ST7L: variants seen among roughly 807,000 people sequenced by gnomAD.
ST7L encodes suppressor of tumorigenicity 7 protein-like.
Under a neutral mutation model 72.5 loss-of-function variants are expected in ST7L, and 57 were observed. The observed-to-expected ratio is 0.79, with a 90% CI of 0.64 to 0.98. ST7L has a LOEUF of 0.98. ST7L is among the 50% of genes least tolerant of loss of function. ST7L has a pLI of 0.00. For missense variants in ST7L, 576 were observed against 672.2 expected (o/e 0.86, Z 1.58); for synonymous variants, 221 against 240.9 (o/e 0.92, Z 0.77).
At chr1:112,618,255 G>T in intron 1 of ST7L, 1 of 1,096,414 alleles carries the variant, frequency 9.1e-7, no homozygotes, top group Admixed American at 4.8e-5. Context: ...ACATGTGTTC[G>T]TATTGTCAGC....
intron 11 of ST7L, among the ~76,000 whole-genome samples, chr1:112,560,754 G>T (rs923945899): frequency 6.6e-6 from 1 of 152,034 alleles, no homozygotes. Flanking sequence ...CTGAGGTCAG[G>T]AATTTGAGAC....
In ST7L at chr1:112,555,953, T is replaced by G. The variant is rs1262303796; in HGVS notation, c.1311A>C (p.Glu437Asp). 1 of 1,612,568 alleles carries G rather than the reference T, an allele frequency of 6.2e-7. No homozygotes were observed. Among genetic ancestry groups the G allele is most frequent in the East Asian group, 2.2e-5 (1 of 44,818 alleles). The change falls in exon 12 of 15, where the codon GAA (glutamate) becomes GAC (aspartate). Residue 437 changes from glutamate (E) to aspartate (D), a missense_variant. Transcript: ENST00000358039. ...GATGAAAGAAAGCATAGGCAATTGC[T>G]TCACTATCACCCCGTTTCAGAATGT... ...PEHILKRGDS[E>D]AIAYAFFHLQ...
chr1:112,591,023 C>T (rs143300690), intron 6 of ST7L, among the ~76,000 whole-genome samples: 4,355 of 151,490 alleles, frequency 0.029, 108 homozygotes, highest in Non-Finnish European at 0.045. Flanking sequence ...CTCCACCTCC[C>T]GGGTTCATGC....
At chr1:112,611,162 A>G (rs895358952) in intron 2 of ST7L, among the ~76,000 whole-genome samples, 159 bp from the exon 3 acceptor site, 1 of 152,222 alleles carries the variant, frequency 6.6e-6, no homozygotes, top group Non-Finnish European at 1.5e-5. Flanking sequence ...CACCAATAAC[A>G]TGTCACGTAA....
At chr1:112,539,834 G>T in intron 14 of ST7L, 5 of 985,228 alleles carry the variant, frequency 5.1e-6, no homozygotes, top group Non-Finnish European at 6.0e-6. Flanking sequence ...ACATGTAAAG[G>T]CCACAGGGAT....
At chr1:112,579,380 T>TAAAAAAAAAAAA (rs34252016) in intron 9 of ST7L, among the ~76,000 whole-genome samples, 1 of 96,796 alleles carries the variant, frequency 1.0e-5, no homozygotes, top group Non-Finnish European at 2.1e-5. Flanking sequence ...CGAGACTCTG[T>TAAAAAAAAAAAA]AAAAAAAAAA....
At position 112,619,076 on chromosome 1, in the gene ST7L, A is replaced by C. The variant is rs375211395; in HGVS notation, c.38T>G (p.Val13Gly). 4.3e-6 allele frequency: 7 copies of C among 1,613,470 alleles called. No individual in the cohort carries two copies. Among genetic ancestry groups the C allele is most frequent in the African/African-American group, 2.7e-5 (2 of 74,926 alleles). ...AGGGACAGATGCAGGAGACGCTCCA[A>C]CAGCTGCGGCTTCACCCACGCCGCC... ...DRGGVGEAAAVGASPASVPGL... is the reference protein window; with the variant it reads ...DRGGVGEAAAGGASPASVPGL... The change falls in exon 1 of 15, where the codon GTT becomes GGT. Residue 13 changes from valine (V) to glycine (G), a missense_variant. This residue lies in a region of ST7L where 56 missense variants were observed against 45.8 expected (regional missense o/e 1.22). Transcript: ENST00000358039.
the ST7L span, chr1:112,517,960 C>T: frequency 6.5e-6 from 1 of 153,962 alleles, no homozygotes; most frequent in East Asian, 1.9e-4. Context: ...TGATCTGTCC[C>T]AGGGACAGAG....
intron 12 of ST7L, among the ~76,000 whole-genome samples, chr1:112,551,988 C>G (rs1187074280): frequency 6.6e-6 from 1 of 152,104 alleles, no homozygotes; most frequent in East Asian, 1.9e-4. Flanking sequence ...AAAACAGGAT[C>G]ATTATTTACC....
intron 1 of ST7L, chr1:112,618,264 G>A: frequency 9.3e-7 from 1 of 1,073,120 alleles, no homozygotes; most frequent in Non-Finnish European, 1.1e-6. Flanking sequence ...CGTATTGTCA[G>A]CACAGAATAC....
intron 11 of ST7L, among the ~76,000 whole-genome samples, chr1:112,571,565 T>A (rs1662154223): frequency 6.6e-6 from 1 of 152,158 alleles, no homozygotes; most frequent in Non-Finnish European, 1.5e-5. Flanking sequence ...TAGCTGGGGT[T>A]ACAGGCATGT....
chr1:112,588,062 T>C (rs1286768737), intron 6 of ST7L, among the ~76,000 whole-genome samples: 1 of 152,242 alleles, frequency 6.6e-6, no homozygotes, highest in Non-Finnish European at 1.5e-5. Flanking sequence ...GATGCTTTTG[T>C]AAATGGAATT....
At chr1:112,549,054 C>A (rs1381368272) in intron 13 of ST7L, among the ~76,000 whole-genome samples, 1 of 151,136 alleles carries the variant, frequency 6.6e-6, no homozygotes, top group Non-Finnish European at 1.5e-5. Flanking sequence ...ATTTTGATAG[C>A]GATTGTATTG....
chr1:112,583,595 T>C lies in ST7L; in HGVS notation c.856+377A>G, dbSNP rs928866939. Among the ~76,000 whole-genome samples, 8 of 152,348 alleles carry C rather than the reference T, an allele frequency of 5.3e-5. No homozygotes were observed. The South Asian group carries it at 1.4e-3, about 28-fold the overall frequency. On this transcript the variant is annotated intron_variant, in intron 7 of 14. Transcript: ENST00000358039. ...AACCAACCAAATAATGTACCTCTAC[T>C]GTTGCTTAGAGTAAGGGTGAGGATA...
intron 5 of ST7L, among the ~76,000 whole-genome samples, chr1:112,597,487 C>A (rs976453043): frequency 6.6e-6 from 1 of 152,168 alleles, no homozygotes. Flanking sequence ...AATTAAGAGT[C>A]TCAATACTCT....
At chr1:112,520,530 T>C (rs1570804447), downstream of ST7L, 1 of 1,608,090 alleles carries the variant, frequency 6.2e-7, no homozygotes, top group Non-Finnish European at 8.5e-7. Flanking sequence ...ACCTCACTCA[T>C]CCCTCCAATT....
intron 11 of ST7L, among the ~76,000 whole-genome samples, chr1:112,563,190 G>C (rs1346734717): frequency 6.6e-6 from 1 of 152,014 alleles, no homozygotes; most frequent in African/African-American, 2.4e-5. Flanking sequence ...TAGATGGCTA[G>C]ATCTGAAAAA....
chr1:112,555,869 G>C lies in ST7L; in HGVS notation c.1395C>G (p.Gly465=). 6.6e-7 allele frequency: 1 copy of C among 1,519,086 alleles called. No homozygotes were observed. The highest frequency in any genetic ancestry group is 8.8e-7 in the Non-Finnish European group (1 of 1,130,012). The allele number at this position is 1,519,086 out of a possible 1,614,324, so 94.1% of individuals were successfully genotyped here. The change falls in exon 12 of 15, where the codon GGC becomes GGG. Residue 465 remains glycine (G), a splice_region_variant and synonymous_variant. Coordinates refer to ENST00000358039, the MANE Select transcript of ST7L (RefSeq NM_017744.5). ...TTACTTTTGGAAAAGAATACTTACT[G>C]CCTTCCCATGTACACTGTAACAGAT... ...ALNLLQCTWE[G]TFRMIPYPLE... is the part of the protein sequence containing the mutation.
At chr1:112,599,147 C>T (rs1294593442) in intron 4 of ST7L, among the ~76,000 whole-genome samples, 1 of 140,758 alleles carries the variant, frequency 7.1e-6, no homozygotes, top group Non-Finnish European at 1.5e-5. Flanking sequence ...CACACACACA[C>T]ACACACACAC....
Sources: allele counts gnomAD v4.1 joint callset (sites outside exome capture counted in the v4.1 genomes callset), GRCh38; gene constraint gnomAD v4.1.1; regional missense constraint gnomAD v4.1.1; transcripts MANE v1.5; gene names NCBI Gene and HGNC (gene_info 2026-07-23, HGNC 2026-07-21).